PTTG1: variants seen among roughly 807,000 people sequenced by gnomAD.
PTTG1 encodes the protein PTTG1 regulator of sister chromatid separation, securin.
Under a neutral mutation model 20.0 loss-of-function variants are expected in PTTG1, and 8 were observed. The ratio of observed to expected loss-of-function variants is 0.40; its 90% CI spans 0.23 to 0.72. The LOEUF (loss-of-function observed/expected upper bound fraction) is 0.72. Ranked by LOEUF, PTTG1 falls within the 30% of genes least tolerant of loss-of-function variation. The probability of loss-of-function intolerance (pLI) is 0.38; values close to 1 mark genes in which losing one functional copy is unlikely to be tolerated. For synonymous variants in PTTG1, 79 were observed against 87.2 expected (o/e 0.91, Z 0.52); for missense variants, 197 against 236.0 (o/e 0.83, Z 1.08).
chr5:160,422,670 T>A, intron 2 of PTTG1, 39 bp from the exon 3 acceptor site: 6 of 1,606,488 alleles, frequency 3.7e-6, no homozygotes, highest in Non-Finnish European at 5.1e-6. Context: ...ACAGGTATTT[T>A]GCTGCTGGAA....
intron 4 of PTTG1, among the ~76,000 whole-genome samples, chr5:160,425,409 A>G (rs1765786404): frequency 6.6e-6 from 1 of 152,184 alleles, no homozygotes; most frequent in Non-Finnish European, 1.5e-5. Flanking sequence ...AAGAATGAAG[A>G]CCACAATATC....
rs529120620 is a variant in PTTG1, at chr5:160,422,944, C to T, written c.276+51C>T. 189 of 1,557,294 alleles carry T rather than the reference C, an allele frequency of 1.2e-4. 4 individuals carry two copies. The South Asian group carries it at 1.6e-3, about 13-fold the overall frequency. ...TTTAAACACTTAAGCACTTTTGACT[C>T]TTAAAATGACTATTGGCATCATCCT... is the stretch of plus-strand genomic sequence containing the variant. On this transcript the variant is annotated intron_variant, in intron 3 of 5. Transcript: ENST00000352433.
intron 4 of PTTG1, among the ~76,000 whole-genome samples, chr5:160,426,517 T>A (rs1362943491): frequency 6.6e-6 from 1 of 152,214 alleles, no homozygotes; most frequent in Admixed American, 6.5e-5. Context: ...CAATGAGCAT[T>A]TTGTATCTTG....
chr5:160,427,923 A>G (rs752058598), intron 5 of PTTG1, 50 bp downstream of exon 5: 1 of 1,608,998 alleles, frequency 6.2e-7, no homozygotes, highest in African/African-American at 1.3e-5. Flanking sequence ...TTTGTTTCAT[A>G]ACACTTCCAT....
In PTTG1 at chr5:160,422,469, AT is replaced by A. The variant is rs879234004; in HGVS notation, c.91+69del. ...GACGTGGCCTGGAGCTGGACGAGAC[AT>A]TTAGTGTACTTTTTGGGCAATTGGA... On this transcript the variant is annotated intron_variant, in intron 2 of 5. Transcript: ENST00000352433. The A allele has an allele frequency of 2.5e-5, 35 of 1,413,662 alleles. No homozygotes were observed. The South Asian group carries it at 3.9e-4, about 16-fold the overall frequency. 87.6% of individuals were successfully genotyped at this position (1,413,662 alleles called of 1,614,324 possible).
chr5:160,423,183 A>G (rs1325529717), intron 3 of PTTG1, among the ~76,000 whole-genome samples: 1 of 148,722 alleles, frequency 6.7e-6, no homozygotes, highest in Non-Finnish European at 1.5e-5. Flanking sequence ...ACAGATACAT[A>G]CTGAGAGAGA....
chr5:160,423,978 G>C (rs1188967495), intron 3 of PTTG1, among the ~76,000 whole-genome samples: 2 of 152,168 alleles, frequency 1.3e-5, no homozygotes, highest in Non-Finnish European at 2.9e-5. Flanking sequence ...TTGAATAATT[G>C]CATTGATTAG....
At chr5:160,428,492 T>C in intron 5 of PTTG1, 110 bp from the exon 6 acceptor site, 1 of 982,860 alleles carries the variant, frequency 1.0e-6, no homozygotes, top group South Asian at 1.4e-5. Context: ...AGGTGATTGA[T>C]TTGACAAAGG....
chr5:160,422,500 T>G, intron 2 of PTTG1, 97 bp downstream of exon 2: 1 of 1,146,342 alleles, frequency 8.7e-7, no homozygotes, highest in Non-Finnish European at 1.3e-6. Context: ...ATTGGAGTCG[T>G]TTGTTATTGG....
In PTTG1 at chr5:160,427,853, C is replaced by T. The variant is rs1194039951; in HGVS notation, c.509C>T (p.Pro170Leu). The T allele has an allele frequency of 6.2e-7, 1 of 1,614,148 alleles. No individual in the cohort carries two copies. The highest frequency in any genetic ancestry group is 8.5e-7 in the Non-Finnish European group (1 of 1,180,028). ...GGCCCCCCTTCACCTGTGAAGATGC[C>T]CTCTCCACCATGGGAATCCAGTAAG... Reference protein sequence around the residue: ...QLGPPSPVKMPSPPWESNLLQ... With the variant: ...QLGPPSPVKMLSPPWESNLLQ... The change falls in exon 5 of 6, where the codon CCC becomes CTC. Residue 170 changes from proline to leucine, a missense_variant. Pro to Leu is a moderately conservative substitution (Grantham distance 98). Transcript: ENST00000352433.
intron 4 of PTTG1, among the ~76,000 whole-genome samples, chr5:160,427,368 C>T (rs1001829244): frequency 6.6e-5 from 10 of 152,184 alleles, no homozygotes; most frequent in African/African-American, 1.2e-4. Flanking sequence ...AAAAAGACAT[C>T]TCAAGGATGG....
intron 3 of PTTG1, 160 bp downstream of exon 3, chr5:160,423,053 C>A: frequency 1.4e-6 from 1 of 715,840 alleles, no homozygotes; most frequent in Non-Finnish European, 2.3e-6. Flanking sequence ...TCCTTGTGGA[C>A]TTCTTGGTAC....
intron 1 of PTTG1, 43 bp downstream of exon 1, chr5:160,421,934 C>T (rs1004595265): frequency 2.1e-5 from 4 of 192,400 alleles, no homozygotes; most frequent in African/African-American, 7.1e-5. Context: ...TGAGCCGGCT[C>T]CGGCGGGGAA....
At position 160,422,721 on chromosome 5, in the gene PTTG1, T is replaced by C; in HGVS notation, c.104T>C (p.Leu35Ser). Residue 35 changes from leucine to serine, a missense_variant, in exon 3 of 6, where the codon TTA (leucine) becomes TCA (serine). Leu to Ser is a moderately radical substitution (Grantham distance 145). Coordinates refer to ENST00000352433, the MANE Select transcript of PTTG1 (RefSeq NM_004219.4). ...KLGSGPSIKA[L>S]DGRSQVSTPR... ...ACTTTTTCTTCAGCAATCAAAGCCT[T>C]AGATGGGAGATCTCAAGTTTCAACA... 6.2e-7 allele frequency: 1 copy of C among 1,614,072 alleles called. No individual in the cohort carries two copies. The highest frequency in any genetic ancestry group is 8.5e-7 in the Non-Finnish European group (1 of 1,180,000).
Position 160,422,385 on chromosome 5 carries a change from A to C in PTTG1, c.73A>C (p.Lys25Gln), listed in dbSNP as rs1317067757. ...GTRVVAKDGL[K>Q]LGSGPSIKAL... is the part of the protein sequence containing the mutation. ...CCGTGTGGTTGCTAAGGATGGGCTG[A>C]AGCTGGGGTCTGGACCTTGTAAGTA... The change falls in exon 2 of 6, where the codon AAG becomes CAG. Residue 25 changes from lysine to glutamine, a missense_variant. Physicochemically the swap from Lys to Gln is moderately conservative, Grantham distance 53. Coordinates refer to ENST00000352433, the MANE Select transcript of PTTG1 (RefSeq NM_004219.4). 20 of 1,614,078 alleles carry C rather than the reference A, an allele frequency of 1.2e-5. No homozygotes were observed. Among genetic ancestry groups the C allele is most frequent in the Non-Finnish European group, 1.7e-5 (20 of 1,179,954 alleles).
In PTTG1 at chr5:160,422,316, G is replaced by C; in HGVS notation, c.4G>C (p.Ala2Pro). MATLIYVDKENG... is the reference protein window; with the variant it reads MPTLIYVDKENG... Reference sequence around the variant, plus strand: ...CTCATTCTTAGAATAATCCAGAATGGCTACTCTGATCTATGTTGATAAGGA... The same window carrying C: ...CTCATTCTTAGAATAATCCAGAATGCCTACTCTGATCTATGTTGATAAGGA... Residue 2 changes from alanine (A) to proline (P), a missense_variant, in exon 2 of 6, where the codon GCT (alanine) becomes CCT (proline). Coordinates refer to ENST00000352433, the MANE Select transcript of PTTG1 (RefSeq NM_004219.4). 6.2e-7 allele frequency: 1 copy of C among 1,612,956 alleles called. No homozygotes were observed. Among genetic ancestry groups the C allele is most frequent in the Non-Finnish European group, 8.5e-7 (1 of 1,179,010 alleles).
chr5:160,426,137 C>T (rs1052629414), intron 4 of PTTG1, among the ~76,000 whole-genome samples: 1 of 152,086 alleles, frequency 6.6e-6, no homozygotes, highest in African/African-American at 2.4e-5. Context: ...GTGTGATCTG[C>T]TCTTTTCTGT....
Position 160,422,697 on chromosome 5 carries a change from C to G in PTTG1, c.92-12C>G. ...CTGCTGGAATATTCTTATGGTAAGACTTTTTCTTCAGCAATCAAAGCCTTA... is the reference window on the plus strand; with the variant it reads ...CTGCTGGAATATTCTTATGGTAAGAGTTTTTCTTCAGCAATCAAAGCCTTA... On this transcript the variant is annotated splice_polypyrimidine_tract_variant and intron_variant, in intron 2 of 5. Coordinates refer to ENST00000352433, the MANE Select transcript of PTTG1 (RefSeq NM_004219.4). 1.2e-6 allele frequency: 2 copies of G among 1,613,844 alleles called. No homozygotes were observed. Among genetic ancestry groups the G allele is most frequent in the Non-Finnish European group, 1.7e-6 (2 of 1,179,770 alleles).
intron 4 of PTTG1, among the ~76,000 whole-genome samples, chr5:160,425,643 C>A (rs1476878115): frequency 6.6e-6 from 1 of 152,066 alleles, no homozygotes; most frequent in Non-Finnish European, 1.5e-5. Flanking sequence ...TTTTTATTAA[C>A]TTCCGGTTTG....
Sources: allele counts gnomAD v4.1 joint callset (sites outside exome capture counted in the v4.1 genomes callset), GRCh38; gene constraint gnomAD v4.1.1; transcripts MANE v1.5; gene names NCBI Gene and HGNC (gene_info 2026-07-23, HGNC 2026-07-21).